The following ERBB4 variants were observed in gnomAD, a reference collection of about 807,000 sequenced individuals.
ERBB4 encodes receptor tyrosine-protein kinase erbB-4.
Under a neutral mutation model 158.0 loss-of-function variants are expected in ERBB4, and 42 were observed. The ratio of observed to expected loss-of-function variants is 0.27; its 90% CI spans 0.21 to 0.34. The LOEUF is 0.34. Ranked by LOEUF, ERBB4 falls within the 10% of genes least tolerant of loss-of-function variation. The pLI is 1.00. For missense variants in ERBB4, 1,333 were observed against 1,624.1 expected, an observed-to-expected ratio of 0.82 and a Z score of 3.08; for synonymous variants, 583 against 558.7, an observed-to-expected ratio of 1.04 and a Z score of -0.61.
At chr2:211,876,626 A>G (rs1380228143) in intron 3 of ERBB4, among the ~76,000 whole-genome samples, 2 of 152,168 alleles carry the variant, frequency 1.3e-5, no homozygotes, top group Non-Finnish European at 2.9e-5. Flanking sequence ...GAACACATAA[A>G]ATGTGTTTAT....
chr2:211,413,360 AAAAAT>A (rs1384730245), intron 25 of ERBB4, among the ~76,000 whole-genome samples: 4 of 150,748 alleles, frequency 2.7e-5, no homozygotes, highest in Admixed American at 2.0e-4. Context: ...TGATAAAAAA[AAAAAT>A]AAAAAAACCA....
At chr2:212,246,435 G>C (rs1195367895) in intron 1 of ERBB4, among the ~76,000 whole-genome samples, 1 of 152,050 alleles carries the variant, frequency 6.6e-6, no homozygotes, top group Admixed American at 6.6e-5. Context: ...AATCAACATT[G>C]CATTCCATTT....
In ERBB4 at chr2:211,898,272, G is replaced by A. The variant is rs1389585756; in HGVS notation, c.421+49158C>T. Among the ~76,000 whole-genome samples, 5 of 151,962 alleles carry A rather than the reference G, an allele frequency of 3.3e-5. No homozygotes were observed. The East Asian group carries it at 9.7e-4, about 29-fold the overall frequency. ...CTTCTAGAGGAAAGTTTTTATCTAA[G>A]ATAGTTTAATCATTTTGATAAAACA... On this transcript the variant is annotated intron_variant, in intron 3 of 27. Transcript: ENST00000342788.
intron 1 of ERBB4, among the ~76,000 whole-genome samples, chr2:212,360,410 T>C (rs2089641732): frequency 6.6e-6 from 1 of 151,678 alleles, no homozygotes; most frequent in African/African-American, 2.4e-5. Context: ...GCCCCATCTC[T>C]ACAGGTTTAC....
intron 1 of ERBB4, among the ~76,000 whole-genome samples, chr2:212,178,902 C>T (rs996783294): frequency 2.0e-5 from 3 of 151,608 alleles, no homozygotes; most frequent in African/African-American, 7.3e-5. Flanking sequence ...TGAATATTGG[C>T]TTTTCCATAG....
chr2:211,446,830 A>G (rs916429551), intron 20 of ERBB4, among the ~76,000 whole-genome samples: 4 of 152,110 alleles, frequency 2.6e-5, no homozygotes, highest in Non-Finnish European at 4.4e-5. Flanking sequence ...TATTTTAACA[A>G]TTTGGCTTCC....
chr2:212,461,623 G>A (rs921328669), intron 1 of ERBB4, among the ~76,000 whole-genome samples: 2 of 152,152 alleles, frequency 1.3e-5, no homozygotes, highest in African/African-American at 4.8e-5. Context: ...CTGAGTTAAT[G>A]CTGAAATGAG....
intron 20 of ERBB4, among the ~76,000 whole-genome samples, chr2:211,502,881 C>T (rs1012282445): frequency 6.6e-6 from 1 of 152,022 alleles, no homozygotes. Context: ...TGGGATGCAC[C>T]TCCTTCATGA....
At chr2:212,357,441 T>TA (rs1276245205) in intron 1 of ERBB4, among the ~76,000 whole-genome samples, 3 of 151,904 alleles carry the variant, frequency 2.0e-5, no homozygotes, top group African/African-American at 7.2e-5. Context: ...CAAAGTTATT[T>TA]AAATATATTA....
chr2:212,178,166 C>A (rs951296139), intron 1 of ERBB4, among the ~76,000 whole-genome samples: 4 of 151,568 alleles, frequency 2.6e-5, no homozygotes, highest in Non-Finnish European at 4.4e-5. Flanking sequence ...AAAGATTCAG[C>A]CTTACCTTAA....
intron 3 of ERBB4, among the ~76,000 whole-genome samples, chr2:211,856,658 A>G (rs2106054193): frequency 6.6e-6 from 1 of 152,130 alleles, no homozygotes; most frequent in South Asian, 2.1e-4. Context: ...AAGTGCAGGG[A>G]TTACAGGCGT....
intron 1 of ERBB4, among the ~76,000 whole-genome samples, chr2:212,351,962 T>TACAC (rs1178345102): frequency 6.6e-6 from 1 of 152,134 alleles, no homozygotes; most frequent in African/African-American, 2.4e-5. Context: ...GTGATACATA[T>TACAC]ACACTGTGGA....
At chr2:211,939,104 A>T (rs750579543) in intron 3 of ERBB4, among the ~76,000 whole-genome samples, 1 of 152,184 alleles carries the variant, frequency 6.6e-6, no homozygotes, top group African/African-American at 2.4e-5. Flanking sequence ...GTATTATATA[A>T]TGATCAAAAC....
chr2:211,690,771 T>A (rs2072782701), intron 12 of ERBB4, among the ~76,000 whole-genome samples: 1 of 152,116 alleles, frequency 6.6e-6, no homozygotes, highest in Non-Finnish European at 1.5e-5. Flanking sequence ...GTGATAGTCA[T>A]GAGTGAAGGA....
chr2:211,426,887 A>C (rs966324454), intron 22 of ERBB4, among the ~76,000 whole-genome samples: 1 of 151,878 alleles, frequency 6.6e-6, no homozygotes, highest in Admixed American at 6.6e-5. Flanking sequence ...GCTAATCTAC[A>C]TGCTAATCTG....
At chr2:211,695,627 T>C (rs575774730) in intron 12 of ERBB4, among the ~76,000 whole-genome samples, 2 of 152,310 alleles carry the variant, frequency 1.3e-5, no homozygotes, top group African/African-American at 4.8e-5. Flanking sequence ...CTTCAATGTC[T>C]AGCCTCCTGT....
intron 4 of ERBB4, among the ~76,000 whole-genome samples, chr2:211,774,175 C>T (rs548136023): frequency 1.3e-5 from 2 of 151,530 alleles, no homozygotes; most frequent in South Asian, 2.1e-4. Flanking sequence ...TGGGTTCAAA[C>T]GATTCTTCCA....
intron 20 of ERBB4, among the ~76,000 whole-genome samples, chr2:211,467,075 C>G (rs1488004858): frequency 1.3e-5 from 2 of 152,056 alleles, no homozygotes; most frequent in African/African-American, 4.8e-5. Context: ...AGTAATTATT[C>G]TAAAAATCTT....
intron 1 of ERBB4, among the ~76,000 whole-genome samples, chr2:212,422,640 C>T (rs2091821593): frequency 6.6e-6 from 1 of 152,210 alleles, no homozygotes; most frequent in Admixed American, 6.5e-5. Flanking sequence ...GTAATCCATG[C>T]ACAACCAAAA....
Sources: allele counts gnomAD v4.1 joint callset (sites outside exome capture counted in the v4.1 genomes callset), GRCh38; gene constraint gnomAD v4.1.1; transcripts MANE v1.5; gene names NCBI Gene and HGNC (gene_info 2026-07-23, HGNC 2026-07-21).